TINAG: variants seen among roughly 807,000 people sequenced by gnomAD.
TINAG encodes tubulointerstitial nephritis antigen.
Under a neutral mutation model 72.7 loss-of-function variants are expected in TINAG, and 83 were observed. That is an observed-to-expected ratio of 1.14 (90% confidence interval 0.96 to 1.37). TINAG has a LOEUF of 1.37. TINAG is among the 40% of genes most tolerant of loss of function. The pLI is 0.00. For missense variants in TINAG, 685 were observed against 576.6 expected (o/e 1.19, Z -1.93); for synonymous variants, 234 against 189.9 (o/e 1.23, Z -1.91).
At chr6:54,354,933 C>G (rs2150963088) in intron 9 of TINAG, among the ~76,000 whole-genome samples, 1 of 151,820 alleles carries the variant, frequency 6.6e-6, no homozygotes, top group Admixed American at 6.6e-5. Flanking sequence ...AAGGCATAAT[C>G]AAGGGAAGAG....
At chr6:54,386,335 G>T (rs1490667320) in intron 10 of TINAG, among the ~76,000 whole-genome samples, 1 of 152,180 alleles carries the variant, frequency 6.6e-6, no homozygotes, top group Non-Finnish European at 1.5e-5. Context: ...GAAATCCAGT[G>T]TACCGAGCTG....
At chr6:54,378,522 A>G (rs1250948036) in intron 9 of TINAG, among the ~76,000 whole-genome samples, 1 of 152,206 alleles carries the variant, frequency 6.6e-6, no homozygotes, top group Non-Finnish European at 1.5e-5. Context: ...TGCATCATTG[A>G]AATTATTTTT....
intron 7 of TINAG, 107 bp from the exon 8 acceptor site, chr6:54,351,245 A>G (rs532889862): frequency 2.1e-6 from 2 of 970,856 alleles, no homozygotes; most frequent in Non-Finnish European, 3.1e-6. Context: ...TGAGTTTTTC[A>G]AAGTACAATT....
At chr6:54,318,182 A>T (rs939164421) in intron 1 of TINAG, among the ~76,000 whole-genome samples, 1 of 152,080 alleles carries the variant, frequency 6.6e-6, no homozygotes, top group Admixed American at 6.6e-5. Context: ...GAAAAAGTAG[A>T]TATGGATGTT....
chr6:54,337,246 ATTT>A (rs34286210), intron 4 of TINAG, among the ~76,000 whole-genome samples: 977 of 94,044 alleles, frequency 0.01, 7 homozygotes, highest in African/African-American at 0.036. Flanking sequence ...TGGGATTTGA[ATTT>A]TTTTTTTTTT....
intron 5 of TINAG, among the ~76,000 whole-genome samples, chr6:54,343,956 A>G (rs1350368340): frequency 6.6e-6 from 1 of 152,190 alleles, no homozygotes; most frequent in Admixed American, 6.6e-5. Context: ...TTTTATAGTT[A>G]CTTTCATATA....
At position 54,308,751 on chromosome 6, in the gene TINAG, T is replaced by A. The variant is rs1335156787; in HGVS notation, c.201T>A (p.Asp67Glu). Reference sequence around the variant, plus strand: ...ATTTTGGCTGTTGTGAAGACAGAGATGATGGCTGTGTCACTGAGTTCTATG... The same window carrying A: ...ATTTTGGCTGTTGTGAAGACAGAGAAGATGGCTGTGTCACTGAGTTCTATG... ...CRNFGCCEDR[D>E]DGCVTEFYAA... The change falls in exon 1 of 11, where the codon GAT becomes GAA. Residue 67 changes from aspartate to glutamate, a missense_variant. Asp to Glu is a conservative substitution (Grantham distance 45, BLOSUM62 2). Transcript: ENST00000259782. The A allele has an allele frequency of 1.5e-5, 24 of 1,613,828 alleles. No individual in the cohort carries two copies. Among genetic ancestry groups the A allele is most frequent in the Non-Finnish European group, 2.0e-5 (24 of 1,179,914 alleles).
intron 1 of TINAG, among the ~76,000 whole-genome samples, chr6:54,317,907 T>C (rs950115703): frequency 2.6e-5 from 4 of 152,194 alleles, no homozygotes; most frequent in Admixed American, 2.6e-4. Context: ...CATTACCAAA[T>C]GCAATATTCA....
chr6:54,355,203 T>A (rs978969701), intron 9 of TINAG, among the ~76,000 whole-genome samples: 2 of 151,924 alleles, frequency 1.3e-5, no homozygotes, highest in Non-Finnish European at 2.9e-5. Flanking sequence ...TGAAAGACAG[T>A]GTGGTTATGA....
At chr6:54,357,137 T>C (rs972306611) in intron 9 of TINAG, among the ~76,000 whole-genome samples, 2 of 151,946 alleles carry the variant, frequency 1.3e-5, no homozygotes, top group Admixed American at 6.6e-5. Flanking sequence ...GCTAAATTCA[T>C]TGGTCAGATC....
chr6:54,362,013 T>C (rs1376148050), intron 9 of TINAG, among the ~76,000 whole-genome samples: 2 of 151,566 alleles, frequency 1.3e-5, no homozygotes, highest in Non-Finnish European at 3.0e-5. Context: ...CAGAGATTGG[T>C]TCATAAGGCT....
At chr6:54,372,697 G>C (rs377614089) in intron 9 of TINAG, among the ~76,000 whole-genome samples, 1 of 146,894 alleles carries the variant, frequency 6.8e-6, no homozygotes, top group Non-Finnish European at 1.5e-5. Flanking sequence ...GATTTTATCC[G>C]ATCCTCCAAG....
chr6:54,313,566 T>G (rs1170422830), intron 1 of TINAG, among the ~76,000 whole-genome samples: 1 of 152,166 alleles, frequency 6.6e-6, no homozygotes, highest in African/African-American at 2.4e-5. Flanking sequence ...TAATTCTATG[T>G]TGTTTAATAG....
chr6:54,385,620 A>G (rs539333811), intron 10 of TINAG, among the ~76,000 whole-genome samples: 1 of 152,260 alleles, frequency 6.6e-6, no homozygotes, highest in East Asian at 1.9e-4. Context: ...GGAAATAAGG[A>G]ACAGTTACTT....
intron 10 of TINAG, among the ~76,000 whole-genome samples, chr6:54,386,629 C>A (rs1164597909): frequency 6.6e-6 from 1 of 151,936 alleles, no homozygotes; most frequent in Non-Finnish European, 1.5e-5. Flanking sequence ...AAATTTCTGA[C>A]TTCTAAATCC....
intron 4 of TINAG, among the ~76,000 whole-genome samples, chr6:54,335,563 CA>C (rs752815483): frequency 6.6e-6 from 1 of 152,064 alleles, no homozygotes; most frequent in Non-Finnish European, 1.5e-5. Flanking sequence ...AGAATAGAAT[CA>C]GAAATAACAG....
intron 9 of TINAG, among the ~76,000 whole-genome samples, chr6:54,371,746 G>A (rs1562180528): frequency 6.6e-6 from 1 of 151,826 alleles, no homozygotes; most frequent in Non-Finnish European, 1.5e-5. Flanking sequence ...CACATAAGTG[G>A]TAGGAATTTG....
chr6:54,382,319 G>C (rs771379226), intron 10 of TINAG, among the ~76,000 whole-genome samples: 2 of 151,976 alleles, frequency 1.3e-5, no homozygotes, highest in Non-Finnish European at 2.9e-5. Context: ...TCATGAGTCA[G>C]GATCATATTT....
intron 1 of TINAG, among the ~76,000 whole-genome samples, chr6:54,313,330 C>T (rs930420568): frequency 1.3e-5 from 2 of 152,080 alleles, no homozygotes; most frequent in East Asian, 3.9e-4. Flanking sequence ...AATATAGTTT[C>T]TAATAGTGAC....
Sources: allele counts gnomAD v4.1 joint callset (sites outside exome capture counted in the v4.1 genomes callset), GRCh38; gene constraint gnomAD v4.1.1; transcripts MANE v1.5; gene names NCBI Gene and HGNC (gene_info 2026-07-23, HGNC 2026-07-21).